The following ERICH3 variants were observed in gnomAD, a reference collection of about 807,000 sequenced individuals.
ERICH3 encodes the protein glutamate rich 3.
ERICH3 carries 126 observed loss-of-function variants against 131.1 expected under a neutral mutation model. The observed-to-expected ratio is 0.96, with a 90% confidence interval of 0.83 to 1.11. The LOEUF (loss-of-function observed/expected upper bound fraction) is 1.11, where lower values mean the gene tolerates loss of function less well. Ranked by LOEUF, ERICH3 falls within the 50% of genes most tolerant of loss-of-function variation. The pLI is 0.00. For synonymous variants in ERICH3, 695 were observed against 644.6 expected, an observed-to-expected ratio of 1.08 and a Z score of -1.18; for missense variants, 2,050 against 1,810.7, an observed-to-expected ratio of 1.13 and a Z score of -2.40.
intron 7 of ERICH3, among the ~76,000 whole-genome samples, chr1:74,626,801 A>G (rs978992904): frequency 6.6e-6 from 1 of 152,152 alleles, no homozygotes; most frequent in Non-Finnish European, 1.5e-5. Flanking sequence ...GAGTCCAGAG[A>G]CAACTTGCTG....
chr1:74,650,708 A>G (rs1646525251), intron 1 of ERICH3, among the ~76,000 whole-genome samples: 1 of 152,166 alleles, frequency 6.6e-6, no homozygotes, highest in Non-Finnish European at 1.5e-5. Flanking sequence ...ACTACTCAGA[A>G]CAGCATGCAA....
intron 10 of ERICH3, 107 bp from the exon 11 acceptor site, chr1:74,600,038 C>T (rs1446063195): frequency 3.2e-5 from 24 of 751,650 alleles, no homozygotes; most frequent in Non-Finnish European, 3.8e-5. Flanking sequence ...TTCTCTGAGC[C>T]TTTCTTTGCT....
upstream of ERICH3, among the ~76,000 whole-genome samples, chr1:74,674,084 A>T (rs2100666782): frequency 6.6e-6 from 1 of 152,324 alleles, no homozygotes; most frequent in East Asian, 1.9e-4. Context: ...GTGCTAAAAC[A>T]GCGATTGCAA....
intron 1 of ERICH3, among the ~76,000 whole-genome samples, chr1:74,659,189 AG>A (rs1025239047): frequency 1.3e-5 from 2 of 152,184 alleles, no homozygotes; most frequent in African/African-American, 4.8e-5. Context: ...GGAACTTACA[AG>A]AGGATTGCTC....
chr1:74,609,868 A>G (rs1407095005), intron 9 of ERICH3, among the ~76,000 whole-genome samples: 1 of 152,082 alleles, frequency 6.6e-6, no homozygotes, highest in East Asian at 1.9e-4. Flanking sequence ...TCTAGAGGGT[A>G]CCAAGTGTTG....
At chr1:74,654,783 T>A (rs1401950848) in intron 1 of ERICH3, among the ~76,000 whole-genome samples, 1 of 152,120 alleles carries the variant, frequency 6.6e-6, no homozygotes, top group African/African-American at 2.4e-5. Flanking sequence ...CCCCATTTTG[T>A]AGATGAGAAA....
chr1:74,595,351 A>G (rs1263571011), intron 11 of ERICH3, among the ~76,000 whole-genome samples: 1 of 152,088 alleles, frequency 6.6e-6, no homozygotes, highest in African/African-American at 2.4e-5. Context: ...TATGAACAGT[A>G]ACTGGTTTTT....
chr1:74,636,253 A>C, intron 6 of ERICH3, 27 bp downstream of exon 6: 1 of 1,540,610 alleles, frequency 6.5e-7, no homozygotes, highest in Non-Finnish European at 8.8e-7. Flanking sequence ...AAATTAAAAT[A>C]TATTTATTGA....
intron 11 of ERICH3, among the ~76,000 whole-genome samples, chr1:74,590,847 CTA>C (rs1647560067): frequency 6.6e-6 from 1 of 152,156 alleles, no homozygotes; most frequent in African/African-American, 2.4e-5. Context: ...TCACATTTAA[CTA>C]TCAACCATCC....
chr1:74,579,971 A>AAATAAG, intron 12 of ERICH3: 1 of 791,242 alleles, frequency 1.3e-6, no homozygotes, highest in Non-Finnish European at 1.5e-6. Context: ...TTAAATATCA[A>AAATAAG]AATATTCTTA....
chr1:74,577,848 C>A (rs944459600), intron 12 of ERICH3, among the ~76,000 whole-genome samples: 2 of 152,144 alleles, frequency 1.3e-5, no homozygotes, highest in African/African-American at 4.8e-5. Context: ...TTTTATGACA[C>A]CAATCATCAC....
intron 1 of ERICH3, among the ~76,000 whole-genome samples, chr1:74,662,959 T>C (rs1194239969): frequency 1.3e-5 from 2 of 152,216 alleles, no homozygotes; most frequent in African/African-American, 2.4e-5. Flanking sequence ...GAGACCAGCC[T>C]AGGCAACATG....
chr1:74,629,657 C>G (rs1011512148), intron 7 of ERICH3, among the ~76,000 whole-genome samples: 4 of 152,178 alleles, frequency 2.6e-5, no homozygotes, highest in Non-Finnish European at 5.9e-5. Flanking sequence ...ACACTAGGAC[C>G]TCGCCAGATA....
intron 10 of ERICH3, among the ~76,000 whole-genome samples, chr1:74,601,477 A>G (rs1648128721): frequency 6.6e-6 from 1 of 151,878 alleles, no homozygotes; most frequent in South Asian, 2.1e-4. Context: ...ATCCTCAGTA[A>G]TGTTTTTCAA....
intron 11 of ERICH3, among the ~76,000 whole-genome samples, chr1:74,592,727 A>T (rs573790441): frequency 3.3e-5 from 5 of 152,178 alleles, no homozygotes. Context: ...CGAAGTGGCC[A>T]GGGCACCTGA....
chr1:74,572,744 C>G lies in ERICH3; in HGVS notation c.2966G>C (p.Arg989Thr). 1 of 1,613,928 alleles carries G rather than the reference C, an allele frequency of 6.2e-7. No homozygotes were observed. Among genetic ancestry groups the G allele is most frequent in the Non-Finnish European group, 8.5e-7 (1 of 1,179,986 alleles). The change falls in exon 14 of 15, where the codon AGA becomes ACA. Residue 989 changes from arginine to threonine, a missense_variant. Arg to Thr is a moderately conservative substitution (Grantham distance 71). Transcript: ENST00000326665. ...EPAKERKEVM[R>T]TETRLSPFTG... is the part of the protein sequence containing the mutation. ...GAAGGGGCTCAAGCGTGTTTCTGTT[C>G]TCATAACCTCTTTTCTCTCTTTGGC...
intron 6 of ERICH3, 73 bp downstream of exon 6, chr1:74,636,207 C>T (rs928759432): frequency 1.6e-6 from 2 of 1,222,378 alleles, no homozygotes; most frequent in Admixed American, 2.7e-5. Context: ...AATATAATAC[C>T]TTGACCACTG....
chr1:74,580,211 C>G (rs1004102054), intron 12 of ERICH3, among the ~76,000 whole-genome samples: 1 of 151,952 alleles, frequency 6.6e-6, no homozygotes, highest in Non-Finnish European at 1.5e-5. Context: ...AAAGGTAGCC[C>G]TTAATATCCC....
intron 8 of ERICH3, among the ~76,000 whole-genome samples, chr1:74,618,056 G>C (rs1196717075): frequency 6.6e-6 from 1 of 152,048 alleles, no homozygotes; most frequent in African/African-American, 2.4e-5. Context: ...AATTAGCTGG[G>C]CATGGCTGAG....
Sources: gnomAD v4.1 joint callset for allele counts (sites outside exome capture counted in the v4.1 genomes callset) on GRCh38, gnomAD v4.1.1 for gene constraint, MANE v1.5 for transcripts, NCBI Gene and HGNC (gene_info 2026-07-23, HGNC 2026-07-21) for gene names.